Variants in DNAH2 observed in about 807,000 individuals in gnomAD.
DNAH2 encodes dynein axonemal heavy chain 2.
Under a neutral mutation model 523.5 loss-of-function variants are expected in DNAH2, and 323 were observed. The observed-to-expected ratio is 0.62, with a 90% CI of 0.56 to 0.68. DNAH2 has a LOEUF of 0.68. Ranked by LOEUF, DNAH2 falls within the 30% of genes least tolerant of loss-of-function variation. DNAH2 has a pLI of 0.00. For synonymous variants in DNAH2, 2,093 were observed against 2,177.4 expected, an observed-to-expected ratio of 0.96 and a Z score of 1.08; for missense variants, 4,907 against 5,701.5, an observed-to-expected ratio of 0.86 and a Z score of 4.49.
In DNAH2 at chr17:7,758,652, G is replaced by A; in HGVS notation, c.2208+1G>A. On this transcript the variant is annotated splice_donor_variant, in intron 14 of 85. Coordinates refer to ENST00000572933, the MANE Select transcript of DNAH2 (RefSeq NM_020877.5). LOFTEE classifies it high-confidence loss of function. The stretch of plus-strand genomic sequence containing the variant: ...GGAGTGCCGTATACATGCCAGCAAG[G>A]TGGGCCATGGTCCTTAGACCCTAAA... 1 of 1,611,740 alleles carries A rather than the reference G, an allele frequency of 6.2e-7. No homozygotes were observed. Among genetic ancestry groups the A allele is most frequent in the Non-Finnish European group, 8.5e-7 (1 of 1,178,984 alleles).
chr17:7,784,564 T>C (rs1395707322), intron 39 of DNAH2, among the ~76,000 whole-genome samples: 1 of 152,028 alleles, frequency 6.6e-6, no homozygotes, highest in Non-Finnish European at 1.5e-5. Flanking sequence ...ATAAAATAAA[T>C]AATTGAAGCA....
In DNAH2 at chr17:7,768,034, C is replaced by T. The variant is rs1728215780; in HGVS notation, c.3810C>T (p.Arg1270=). 1.9e-6 allele frequency: 3 copies of T among 1,614,106 alleles called. No homozygotes were observed. Among genetic ancestry groups the T allele is most frequent in the African/African-American group, 2.7e-5 (2 of 74,990 alleles). Residue 1270 remains arginine (R), a synonymous_variant, in exon 23 of 86, where the codon CGC becomes CGT. Transcript: ENST00000572933. ...CCACGGCCCACGGGCTGTTTCGTCG[C>T]CTCACAAAATTAGCCAAAGAGTATA... ...METTAHGLFR[R]LTKLAKEYKD...
At chr17:7,741,932 G>C (rs757337466) in intron 11 of DNAH2, among the ~76,000 whole-genome samples, 2 of 151,724 alleles carry the variant, frequency 1.3e-5, no homozygotes, top group Non-Finnish European at 2.9e-5. Flanking sequence ...CAAATTGCTG[G>C]GATTACAGGC....
At chr17:7,793,467 CTT>C (rs745737153) in intron 48 of DNAH2, among the ~76,000 whole-genome samples, 4 of 126,002 alleles carry the variant, frequency 3.2e-5, no homozygotes, top group Non-Finnish European at 7.4e-5. Flanking sequence ...TTCTTTCTTT[CTT>C]TCTTTCTTTC....
chr17:7,769,543 T>C (rs2076260652), intron 24 of DNAH2, among the ~76,000 whole-genome samples: 1 of 152,222 alleles, frequency 6.6e-6, no homozygotes, highest in African/African-American at 2.4e-5. Flanking sequence ...GTTTTTGCCT[T>C]TGTGCCTTGT....
At chr17:7,797,100 CCAAAAA>C in intron 50 of DNAH2, 70 bp from the exon 51 acceptor site, 1 of 1,023,052 alleles carries the variant, frequency 9.8e-7, no homozygotes, top group Non-Finnish European at 1.4e-6. Context: ...AGACTCTGTC[CCAAAAA>C]AAAAAAAAAA....
At chr17:7,738,003 C>T (rs748279789) in intron 8 of DNAH2, 2 of 703,218 alleles carry the variant, frequency 2.8e-6, no homozygotes, top group Non-Finnish European at 5.2e-6. Flanking sequence ...CACGCCATCT[C>T]CCTGGACCGG....
At chr17:7,815,512 A>G (rs2077635875) in intron 63 of DNAH2, among the ~76,000 whole-genome samples, 1 of 152,178 alleles carries the variant, frequency 6.6e-6, no homozygotes, top group South Asian at 2.1e-4. Context: ...ACACACACAT[A>G]TACAGGATCA....
At chr17:7,763,382 G>A (rs541198891) in intron 18 of DNAH2, among the ~76,000 whole-genome samples, 12 of 152,202 alleles carry the variant, frequency 7.9e-5, no homozygotes, top group African/African-American at 2.2e-4. Flanking sequence ...TCCTGACCTC[G>A]TGATCTGCCG....
At chr17:7,753,585 A>C (rs2151183189) in intron 12 of DNAH2, among the ~76,000 whole-genome samples, 1 of 152,342 alleles carries the variant, frequency 6.6e-6, no homozygotes, top group Non-Finnish European at 1.5e-5. Context: ...GGCAGAAAAG[A>C]GGACCGTGGT....
intron 39 of DNAH2, among the ~76,000 whole-genome samples, chr17:7,781,947 G>T (rs1048668836): frequency 2.0e-5 from 3 of 152,156 alleles, no homozygotes; most frequent in South Asian, 2.1e-4. Context: ...TACCCTGAAT[G>T]ATCCTTTCAA....
intron 39 of DNAH2, among the ~76,000 whole-genome samples, chr17:7,783,677 A>C (rs2076661689): frequency 6.6e-6 from 1 of 151,948 alleles, no homozygotes; most frequent in Non-Finnish European, 1.5e-5. Flanking sequence ...TCATGCTTGT[A>C]GTCTCAGCTA....
chr17:7,721,845 G>A (rs970165015), intron 2 of DNAH2, among the ~76,000 whole-genome samples: 2 of 152,178 alleles, frequency 1.3e-5, no homozygotes, highest in African/African-American at 4.8e-5. Flanking sequence ...TGCTCAGCAG[G>A]CCAGTGGTTT....
chr17:7,818,685 C>G lies in DNAH2; in HGVS notation c.10579C>G (p.Arg3527Gly). 5 of 1,614,016 alleles carry G rather than the reference C, an allele frequency of 3.1e-6. No homozygotes were observed. Among genetic ancestry groups the G allele is most frequent in the Non-Finnish European group, 4.2e-6 (5 of 1,180,002 alleles). ...QLLGIVVRKE[R>G]PELEEQKDSL... ...GCTGGGCATTGTGGTGCGGAAGGAGCGGCCTGAGCTGGAGGAGCAGAAGGA... is the reference window on the plus strand; with the variant it reads ...GCTGGGCATTGTGGTGCGGAAGGAGGGGCCTGAGCTGGAGGAGCAGAAGGA... Residue 3527 changes from arginine to glycine, a missense_variant, in exon 70 of 86, where the codon CGG becomes GGG. Physicochemically the swap from Arg to Gly is moderately radical, Grantham distance 125 (BLOSUM62 -2). Coordinates refer to ENST00000572933, the MANE Select transcript of DNAH2 (RefSeq NM_020877.5).
At chr17:7,772,200 CAGA>C (rs1187492253) in intron 28 of DNAH2, among the ~76,000 whole-genome samples, 1 of 152,050 alleles carries the variant, frequency 6.6e-6, no homozygotes, top group African/African-American at 2.4e-5. Flanking sequence ...GCATCCTGTG[CAGA>C]AGAATTCTGG....
rs2076596169 is a variant in DNAH2, at chr17:7,781,163, G to A, written c.6125G>A (p.Gly2042Asp). Residue 2042 changes from glycine (G) to aspartate (D), a missense_variant, in exon 39 of 86, where the codon GGC becomes GAC. By Grantham distance (94) the Gly-to-Asp change is moderately conservative. Transcript: ENST00000572933. Reference sequence around the variant, plus strand: ...ATTGAGCTGCCTGTCATTGACTATGGCAAGGTATTTGTTCCTTAATACTCT... The same window carrying A: ...ATTGAGCTGCCTGTCATTGACTATGACAAGGTATTTGTTCCTTAATACTCT... ...PNIELPVIDY[G>D]KLRETVEQEI... is the part of the protein sequence containing the mutation. 1 of 1,614,150 alleles carries A rather than the reference G, an allele frequency of 6.2e-7. No homozygotes were observed. Among genetic ancestry groups the A allele is most frequent in the Non-Finnish European group, 8.5e-7 (1 of 1,180,014 alleles).
intron 36 of DNAH2, among the ~76,000 whole-genome samples, chr17:7,779,931 A>G (rs2076558131): frequency 6.6e-6 from 1 of 152,194 alleles, no homozygotes; most frequent in South Asian, 2.1e-4. Flanking sequence ...TGAGTTTGAA[A>G]CAAGGCCATG....
intron 22 of DNAH2, among the ~76,000 whole-genome samples, chr17:7,767,117 G>A (rs1267507387): frequency 9.5e-6 from 1 of 105,588 alleles, no homozygotes; most frequent in Non-Finnish European, 1.7e-5. Flanking sequence ...AGTCTGTTAT[G>A]AGCCTGTTTT....
Position 7,778,398 on chromosome 17 carries a change from G to C in DNAH2, c.5470G>C (p.Val1824Leu). 6.2e-7 allele frequency: 1 copy of C among 1,614,212 alleles called. No homozygotes were observed. Among genetic ancestry groups the C allele is most frequent in the Non-Finnish European group, 8.5e-7 (1 of 1,180,034 alleles). The change falls in exon 35 of 86, where the codon GTC becomes CTC. Residue 1824 changes from valine (V) to leucine (L), a missense_variant. Physicochemically the swap from Val to Leu is conservative, Grantham distance 32. Coordinates refer to ENST00000572933, the MANE Select transcript of DNAH2 (RefSeq NM_020877.5). ...CCTGGGCAAGGCCCTGGGCATATAT[G>C]TCATTGTGGTCAACTGCTCTGAGGG... ...KDLGKALGIY[V>L]IVVNCSEGLD...
Sources: gnomAD v4.1 joint callset for allele counts (sites outside exome capture counted in the v4.1 genomes callset) on GRCh38, gnomAD v4.1.1 for gene constraint, MANE v1.5 for transcripts, NCBI Gene and HGNC (gene_info 2026-07-23, HGNC 2026-07-21) for gene names.